The following CMTM8 variants were observed in gnomAD, a reference collection of about 807,000 sequenced individuals.
CMTM8 encodes CKLF like MARVEL transmembrane domain containing 8.
In CMTM8, 12 loss-of-function variants were observed where a neutral mutation model predicts 18.6. The ratio of observed to expected loss-of-function variants is 0.65; its 90% confidence interval spans 0.41 to 1.05. The LOEUF (loss-of-function observed/expected upper bound fraction) is 1.05, where lower values mean the gene tolerates loss of function less well. Ranked by LOEUF, CMTM8 falls within the 50% of genes least tolerant of loss-of-function variation. CMTM8 has a pLI of 0.00. For synonymous variants in CMTM8, 87 were observed against 90.6 expected, an observed-to-expected ratio of 0.96 and a Z score of 0.23; for missense variants, 217 against 227.2, an observed-to-expected ratio of 0.95 and a Z score of 0.29.
intron 2 of CMTM8, among the ~76,000 whole-genome samples, chr3:32,361,418 A>AT (rs1374199186): frequency 6.6e-6 from 1 of 151,400 alleles, no homozygotes; most frequent in African/African-American, 2.4e-5. Flanking sequence ...CAACACGTGG[A>AT]TTTTCCTGCT....
intron 1 of CMTM8, among the ~76,000 whole-genome samples, chr3:32,251,318 C>A (rs1055109009): frequency 3.3e-5 from 5 of 151,760 alleles, no homozygotes; most frequent in African/African-American, 9.7e-5. Flanking sequence ...TTAATTAATT[C>A]ATTCATTTTT....
intron 2 of CMTM8, among the ~76,000 whole-genome samples, chr3:32,365,423 G>T (rs1335678249): frequency 1.3e-5 from 2 of 148,538 alleles, no homozygotes; most frequent in African/African-American, 4.9e-5. Flanking sequence ...TTCTGTTTTT[G>T]TGTGTGTGTT....
chr3:32,267,293 G>A (rs1575152384), intron 1 of CMTM8, among the ~76,000 whole-genome samples: 1 of 152,070 alleles, frequency 6.6e-6, no homozygotes, highest in Non-Finnish European at 1.5e-5. Context: ...CAGAAATAAT[G>A]CCACACATCT....
chr3:32,366,036 T>C (rs1294918235), intron 2 of CMTM8, among the ~76,000 whole-genome samples: 1 of 152,182 alleles, frequency 6.6e-6, no homozygotes. Flanking sequence ...TCTCCACTTA[T>C]TTTCACTACA....
At chr3:32,365,412 C>T (rs929832209) in intron 2 of CMTM8, among the ~76,000 whole-genome samples, 1 of 151,030 alleles carries the variant, frequency 6.6e-6, no homozygotes, top group Non-Finnish European at 1.5e-5. Context: ...AGTTGGAAAC[C>T]TTCTGTTTTT....
chr3:32,269,643 C>T (rs887309653), intron 1 of CMTM8, among the ~76,000 whole-genome samples: 4 of 152,104 alleles, frequency 2.6e-5, no homozygotes, highest in African/African-American at 9.7e-5. Context: ...AAGGTCAGTC[C>T]ACAAGAGTTA....
At chr3:32,280,634 C>G (rs1702592594) in intron 1 of CMTM8, among the ~76,000 whole-genome samples, 1 of 151,990 alleles carries the variant, frequency 6.6e-6, no homozygotes, top group Non-Finnish European at 1.5e-5. Flanking sequence ...TTTCAAAAAT[C>G]TGTAGTTTCA....
At chr3:32,341,835 G>A (rs1009123749) in intron 1 of CMTM8, among the ~76,000 whole-genome samples, 9 of 151,016 alleles carry the variant, frequency 6.0e-5, no homozygotes, top group African/African-American at 9.7e-5. Context: ...CAAGGTTGCC[G>A]CTGCACTCTA....
intron 1 of CMTM8, among the ~76,000 whole-genome samples, chr3:32,273,092 A>G (rs1464066291): frequency 6.6e-6 from 1 of 150,814 alleles, no homozygotes; most frequent in Admixed American, 6.6e-5. Context: ...AAAAGACAGT[A>G]ACAAGTATTG....
At chr3:32,296,413 C>T (rs1702880041) in intron 1 of CMTM8, among the ~76,000 whole-genome samples, 1 of 152,190 alleles carries the variant, frequency 6.6e-6, no homozygotes, top group South Asian at 2.1e-4. Flanking sequence ...TGAGTTATGG[C>T]TAGACAGATG....
intron 1 of CMTM8, among the ~76,000 whole-genome samples, chr3:32,268,750 C>T (rs1489608310): frequency 6.6e-6 from 1 of 152,136 alleles, no homozygotes; most frequent in Non-Finnish European, 1.5e-5. Flanking sequence ...TTCCTATAGA[C>T]TTTATTGAAA....
intron 1 of CMTM8, among the ~76,000 whole-genome samples, chr3:32,273,639 A>G (rs6550113): frequency 0.047 from 7,223 of 152,302 alleles, 199 homozygotes; most frequent in South Asian, 0.06. Context: ...GAATAGGCAC[A>G]TGCATAGAAA....
At chr3:32,317,170 G>A (rs7637775) in intron 1 of CMTM8, among the ~76,000 whole-genome samples, 27,967 of 152,046 alleles carry the variant, frequency 0.18, 3,253 homozygotes, top group African/African-American at 0.33. Context: ...AATCACAGTT[G>A]GTCGTAGGAT....
intron 1 of CMTM8, among the ~76,000 whole-genome samples, chr3:32,302,115 A>G (rs1043888532): frequency 6.7e-6 from 1 of 149,978 alleles, no homozygotes; most frequent in Admixed American, 6.6e-5. Flanking sequence ...GGAGACCAAC[A>G]TGGGCAATTC....
chr3:32,257,421 G>A (rs1415792055), intron 1 of CMTM8, among the ~76,000 whole-genome samples: 1 of 152,096 alleles, frequency 6.6e-6, no homozygotes, highest in East Asian at 1.9e-4. Context: ...CAATCCAGGA[G>A]GTCCAGGAGA....
At chr3:32,344,700 G>T (rs918486045) in intron 1 of CMTM8, among the ~76,000 whole-genome samples, 7 of 152,160 alleles carry the variant, frequency 4.6e-5, no homozygotes, top group African/African-American at 1.2e-4. Flanking sequence ...TTCGAAGTCA[G>T]CCCGGGCAAC....
At chr3:32,256,839 T>A (rs1702179300) in intron 1 of CMTM8, among the ~76,000 whole-genome samples, 1 of 152,228 alleles carries the variant, frequency 6.6e-6, no homozygotes, top group African/African-American at 2.4e-5. Context: ...CTTGCATCTA[T>A]TGCAGTAAAC....
intron 1 of CMTM8, among the ~76,000 whole-genome samples, chr3:32,295,859 C>T (rs1309974423): frequency 6.6e-6 from 1 of 152,202 alleles, no homozygotes; most frequent in African/African-American, 2.4e-5. Flanking sequence ...GATATCTATC[C>T]ACCCTACGTT....
chr3:32,293,069 A>ATG (rs749526069), intron 1 of CMTM8, among the ~76,000 whole-genome samples: 561 of 133,102 alleles, frequency 4.2e-3, no homozygotes, highest in South Asian at 8.8e-3. Context: ...GTGTGTATAT[A>ATG]TGTGTGTGTA....
Sources: gnomAD v4.1 joint callset for allele counts (sites outside exome capture counted in the v4.1 genomes callset) on GRCh38, gnomAD v4.1.1 for gene constraint, MANE v1.5 for transcripts, NCBI Gene and HGNC (gene_info 2026-07-23, HGNC 2026-07-21) for gene names.